Variants in RPRD1A observed in about 807,000 individuals in gnomAD.
The protein encoded by RPRD1A is regulation of nuclear pre-mRNA domain-containing protein 1A.
Under a neutral mutation model 37.8 loss-of-function variants are expected in RPRD1A, and 9 were observed. That is an observed-to-expected ratio of 0.24 (90% CI 0.14 to 0.42). RPRD1A has a LOEUF of 0.42. RPRD1A is among the 10% of genes least tolerant of loss of function. The pLI is 1.00. For synonymous variants in RPRD1A, 138 were observed against 139.7 expected, an observed-to-expected ratio of 0.99 and a Z score of 0.08; for missense variants, 255 against 371.0, an observed-to-expected ratio of 0.69 and a Z score of 2.57.
At chr18:36,045,897 T>G (rs1233639485) in intron 1 of RPRD1A, among the ~76,000 whole-genome samples, 2 of 152,176 alleles carry the variant, frequency 1.3e-5, no homozygotes, top group Non-Finnish European at 1.5e-5. Flanking sequence ...GGGGGGGCAC[T>G]TAAGAGACCT....
chr18:36,004,318 A>G (rs1909605995), intron 6 of RPRD1A, among the ~76,000 whole-genome samples: 1 of 152,094 alleles, frequency 6.6e-6, no homozygotes, highest in Non-Finnish European at 1.5e-5. Flanking sequence ...GCAGTGGTGC[A>G]GTATCAGCTT....
chr18:36,024,280 G>T (rs1441324527), intron 6 of RPRD1A, among the ~76,000 whole-genome samples: 1 of 150,376 alleles, frequency 6.6e-6, no homozygotes, highest in Non-Finnish European at 1.5e-5. Context: ...CCAAGTAGCT[G>T]GGACTACAGG....
intron 2 of RPRD1A, among the ~76,000 whole-genome samples, chr18:36,033,299 C>CAAA (rs71166085): frequency 4.1e-4 from 31 of 75,922 alleles, no homozygotes; most frequent in Admixed American, 9.2e-4. Flanking sequence ...GACTCTGTCT[C>CAAA]AAAAAAAAAA....
intron 6 of RPRD1A, among the ~76,000 whole-genome samples, chr18:36,012,914 C>T (rs1345151215): frequency 6.6e-6 from 1 of 152,196 alleles, no homozygotes; most frequent in Non-Finnish European, 1.5e-5. Context: ...AAGACTTTGC[C>T]AAACTCTGAA....
rs8092388 is a variant in RPRD1A at position 36,010,357 on chromosome 18, G to A, written c.789+16543C>T. On this transcript the variant is annotated intron_variant, in intron 6 of 6. Transcript: ENST00000399022. ...ATAAAAAAAAGATCAGTCAGGTGTG[G>A]TAGTGTGTGCCTGTAGTTCTAGCTT... Among the ~76,000 whole-genome samples the A allele has an allele frequency of 4.2e-3, 643 of 152,044 alleles. 1 individual carries two copies. The highest frequency in any genetic ancestry group is 0.015 in the African/African-American group (603 of 41,482).
At chr18:36,037,032 C>T (rs1398242094) in intron 1 of RPRD1A, among the ~76,000 whole-genome samples, 4 of 152,302 alleles carry the variant, frequency 2.6e-5, no homozygotes. Context: ...TAAGTACAGA[C>T]TAAAATTAAC....
At chr18:35,997,787 T>C (rs1368307240) in intron 6 of RPRD1A, among the ~76,000 whole-genome samples, 1 of 152,226 alleles carries the variant, frequency 6.6e-6, no homozygotes, top group Non-Finnish European at 1.5e-5. Flanking sequence ...TATGTATGTG[T>C]ACCCATCCGT....
At chr18:36,031,169 C>A in intron 2 of RPRD1A, 72 bp from the exon 3 acceptor site, 1 of 1,419,474 alleles carries the variant, frequency 7.0e-7, no homozygotes. Flanking sequence ...AAAAGGTTAA[C>A]GGTAACTTTA....
chr18:36,015,196 ACACACACATT>A (rs1211112507), intron 6 of RPRD1A, among the ~76,000 whole-genome samples: 10 of 147,380 alleles, frequency 6.8e-5, no homozygotes, highest in African/African-American at 2.6e-4. Flanking sequence ...ACACACACAC[ACACACACATT>A]CACATACTTT....
chr18:36,028,944 AAGG>A (rs2144282304), intron 4 of RPRD1A, among the ~76,000 whole-genome samples: 1 of 152,350 alleles, frequency 6.6e-6, no homozygotes, highest in Non-Finnish European at 1.5e-5. Flanking sequence ...GGGAGAGCGG[AAGG>A]AGACCAGATC....
chr18:36,039,318 T>C (rs1912422488), intron 1 of RPRD1A, among the ~76,000 whole-genome samples: 1 of 152,208 alleles, frequency 6.6e-6, no homozygotes, highest in Non-Finnish European at 1.5e-5. Flanking sequence ...TTTATAGCAA[T>C]GTGAGAGGAG....
intron 1 of RPRD1A, among the ~76,000 whole-genome samples, chr18:36,044,114 T>G (rs1247758629): frequency 6.6e-6 from 1 of 152,166 alleles, no homozygotes; most frequent in African/African-American, 2.4e-5. Context: ...GGTTTTCTCT[T>G]TGTCATTTTA....
chr18:35,998,653 A>T (rs1261677438), intron 6 of RPRD1A, among the ~76,000 whole-genome samples: 1 of 152,132 alleles, frequency 6.6e-6, no homozygotes, highest in Non-Finnish European at 1.5e-5. Flanking sequence ...AATTCCACTG[A>T]TCATATCCAA....
At chr18:35,994,007 ACAG>A (rs1908871026) in intron 6 of RPRD1A, among the ~76,000 whole-genome samples, 2 of 152,318 alleles carry the variant, frequency 1.3e-5, no homozygotes, top group South Asian at 4.1e-4. Context: ...AGGTGGCTCC[ACAG>A]CAGAAGAGGC....
chr18:36,036,034 G>T (rs2144315559), intron 1 of RPRD1A, among the ~76,000 whole-genome samples: 1 of 151,974 alleles, frequency 6.6e-6, no homozygotes, highest in Admixed American at 6.5e-5. Context: ...TAACACTACT[G>T]GACTGTACAC....
chr18:36,020,813 A>AT (rs2144246524), intron 6 of RPRD1A, among the ~76,000 whole-genome samples: 1 of 152,030 alleles, frequency 6.6e-6, no homozygotes, highest in South Asian at 2.1e-4. Context: ...GATCCTGTCT[A>AT]TTTAAAAAAA....
chr18:36,063,045 T>G (rs1452078201), intron 1 of RPRD1A: 1 of 152,164 alleles, frequency 6.6e-6, no homozygotes, highest in Non-Finnish European at 1.5e-5. Flanking sequence ...ACAAAGGCCT[T>G]GAAGTTTATC....
chr18:36,065,711 T>C (rs1234854852), intron 1 of RPRD1A, among the ~76,000 whole-genome samples: 1 of 152,214 alleles, frequency 6.6e-6, no homozygotes, highest in Admixed American at 6.5e-5. Flanking sequence ...GTATAAGAGT[T>C]CCTGTTTCTC....
At chr18:36,004,739 C>T (rs935284814) in intron 6 of RPRD1A, among the ~76,000 whole-genome samples, 2 of 152,086 alleles carry the variant, frequency 1.3e-5, no homozygotes, top group African/African-American at 4.8e-5. Context: ...CCTGTCTCTA[C>T]TAAAAATACA....
Sources: allele counts gnomAD v4.1 joint callset (sites outside exome capture counted in the v4.1 genomes callset), GRCh38; gene constraint gnomAD v4.1.1; transcripts MANE v1.5; gene names NCBI Gene and HGNC (gene_info 2026-07-23, HGNC 2026-07-21).